Variants in TAFA5 observed in about 807,000 individuals in gnomAD.
The protein encoded by TAFA5 is TAFA chemokine like family member 5, also known as chemokine-like protein TAFA-5.
Under a neutral mutation model 15.3 loss-of-function variants are expected in TAFA5, and 6 were observed. The ratio of observed to expected loss-of-function variants is 0.39; its 90% confidence interval spans 0.21 to 0.77. The LOEUF (loss-of-function observed/expected upper bound fraction) is 0.77, where lower values mean the gene tolerates loss of function less well. Among genes scored for constraint, TAFA5 ranks in the 30% least tolerant of loss-of-function variants. The pLI is 0.41. For missense variants in TAFA5, 161 were observed against 193.1 expected, an observed-to-expected ratio of 0.83 and a Z score of 0.98; for synonymous variants, 103 against 80.7, an observed-to-expected ratio of 1.28 and a Z score of -1.48.
At chr22:48,675,068 A>G (rs954555884) in intron 2 of TAFA5, among the ~76,000 whole-genome samples, 3 of 151,814 alleles carry the variant, frequency 2.0e-5, no homozygotes, top group Non-Finnish European at 2.9e-5. Flanking sequence ...TAGCCTCCCG[A>G]GTAGCTGGGA....
At chr22:48,706,470 TCAC>T (rs1336267999) in intron 2 of TAFA5, among the ~76,000 whole-genome samples, 4 of 152,208 alleles carry the variant, frequency 2.6e-5, no homozygotes, top group Non-Finnish European at 5.9e-5. Context: ...TGCCTGGCTC[TCAC>T]CAGCGAGTGC....
At position 48,595,700 on chromosome 22, in the gene TAFA5, C is replaced by T. The variant is rs543656554; in HGVS notation, c.113-50897C>T. 2.5e-4 allele frequency among the ~76,000 whole-genome samples: 38 copies of T among 152,386 alleles called. No individual in the cohort carries two copies. The South Asian group carries it at 7.7e-3, about 31-fold the overall frequency. On this transcript the variant is annotated intron_variant, in intron 1 of 3. Coordinates refer to ENST00000402357, the MANE Select transcript of TAFA5 (RefSeq NM_001082967.3). ...ACGGGGTGCCTCTGGGGACTGGCTC[C>T]CAGCAGCCCTGGAGGTCCTCTTGCA...
chr22:48,665,087 G>A (rs969103222), intron 2 of TAFA5, among the ~76,000 whole-genome samples: 1 of 152,306 alleles, frequency 6.6e-6, no homozygotes, highest in East Asian at 1.9e-4. Flanking sequence ...CAGCACCGGC[G>A]ATGGTCAGTG....
At chr22:48,617,798 C>G (rs145136710) in intron 1 of TAFA5, among the ~76,000 whole-genome samples, 1 of 152,046 alleles carries the variant, frequency 6.6e-6, no homozygotes, top group Non-Finnish European at 1.5e-5. Flanking sequence ...TCTGAGAAGA[C>G]GGAGCAGGGC....
At chr22:48,730,770 T>C (rs941873525) in intron 3 of TAFA5, among the ~76,000 whole-genome samples, 7 of 152,206 alleles carry the variant, frequency 4.6e-5, no homozygotes, top group Non-Finnish European at 1.0e-4. Flanking sequence ...GTTTTCTGCA[T>C]TCTGACAGCT....
intron 1 of TAFA5, among the ~76,000 whole-genome samples, chr22:48,579,717 T>C (rs1386692497): frequency 6.6e-6 from 1 of 152,194 alleles, no homozygotes; most frequent in Admixed American, 6.5e-5. Flanking sequence ...CCAGCACAGA[T>C]GAGCAGGCTT....
chr22:48,616,096 C>A (rs952281293), intron 1 of TAFA5, among the ~76,000 whole-genome samples: 1 of 151,992 alleles, frequency 6.6e-6, no homozygotes, highest in African/African-American at 2.4e-5. Context: ...TTCTCTGGGA[C>A]CCTGGAGCTG....
intron 3 of TAFA5, among the ~76,000 whole-genome samples, chr22:48,735,899 T>C (rs113326463): frequency 6.0e-4 from 13 of 21,552 alleles, no homozygotes; most frequent in East Asian, 8.1e-4. Context: ...ATCACACTCC[T>C]AGAGTCCAGA....
intron 1 of TAFA5, among the ~76,000 whole-genome samples, chr22:48,611,503 G>A (rs1925409379): frequency 6.6e-6 from 1 of 152,166 alleles, no homozygotes; most frequent in African/African-American, 2.4e-5. Flanking sequence ...ATCTGTGGCG[G>A]GAGCTATGCC....
intron 1 of TAFA5, among the ~76,000 whole-genome samples, chr22:48,599,507 A>G (rs1057207661): frequency 2.0e-5 from 3 of 152,242 alleles, no homozygotes; most frequent in Non-Finnish European, 4.4e-5. Flanking sequence ...CGCTGATCAG[A>G]CTCAGCATGG....
At chr22:48,741,959 C>G (rs773755970) in intron 3 of TAFA5, among the ~76,000 whole-genome samples, 3 of 152,250 alleles carry the variant, frequency 2.0e-5, no homozygotes, top group Non-Finnish European at 4.4e-5. Flanking sequence ...TGCATTCTCT[C>G]TTAGGCTGAA....
chr22:48,504,686 A>G (rs1219883940), intron 1 of TAFA5, among the ~76,000 whole-genome samples: 1 of 152,216 alleles, frequency 6.6e-6, no homozygotes, highest in East Asian at 1.9e-4. Context: ...CTGGCAGGAC[A>G]TGCATGGAAG....
chr22:48,646,070 A>G (rs971002179), intron 1 of TAFA5, among the ~76,000 whole-genome samples: 1 of 152,172 alleles, frequency 6.6e-6, no homozygotes, highest in Non-Finnish European at 1.5e-5. Flanking sequence ...CCAGGCAGGC[A>G]TGGCAGTTCC....
chr22:48,508,238 C>T (rs1307701851), intron 1 of TAFA5, among the ~76,000 whole-genome samples: 1 of 152,168 alleles, frequency 6.6e-6, no homozygotes, highest in Non-Finnish European at 1.5e-5. Flanking sequence ...CAGCTTTATC[C>T]CAGCTTTGCA....
chr22:48,616,296 G>A (rs74395935), intron 1 of TAFA5, among the ~76,000 whole-genome samples: 5,567 of 152,274 alleles, frequency 0.037, 121 homozygotes, highest in South Asian at 0.14. Context: ...ACCCCGCCGT[G>A]CTGATTTTCT....
intron 2 of TAFA5, among the ~76,000 whole-genome samples, chr22:48,690,368 T>A (rs192595389): frequency 6.6e-6 from 1 of 152,216 alleles, no homozygotes; most frequent in Non-Finnish European, 1.5e-5. Context: ...GCCGGGGCTA[T>A]GGAGGACTGT....
At chr22:48,711,241 G>C in intron 3 of TAFA5, among the ~76,000 whole-genome samples, 1 of 152,150 alleles carries the variant, frequency 6.6e-6, no homozygotes, top group South Asian at 2.1e-4. Flanking sequence ...TCTCATAGGT[G>C]GAGGGGACGG....
chr22:48,603,773 T>C (rs925901891), intron 1 of TAFA5, among the ~76,000 whole-genome samples: 18 of 152,096 alleles, frequency 1.2e-4, no homozygotes, highest in African/African-American at 3.9e-4. Context: ...CAGGCACTGC[T>C]CCCGCCTGCA....
At chr22:48,704,259 G>A (rs1046629161) in intron 2 of TAFA5, among the ~76,000 whole-genome samples, 3 of 151,950 alleles carry the variant, frequency 2.0e-5, no homozygotes, top group Non-Finnish European at 2.9e-5. Flanking sequence ...CTTTTCTCAG[G>A]CATTGCAAGG....
Sources: gnomAD v4.1 joint callset for allele counts (sites outside exome capture counted in the v4.1 genomes callset) on GRCh38, gnomAD v4.1.1 for gene constraint, MANE v1.5 for transcripts, NCBI Gene and HGNC (gene_info 2026-07-23, HGNC 2026-07-21) for gene names.